The following TYSND1 variants were observed in gnomAD, a reference collection of about 807,000 sequenced individuals.
TYSND1 encodes the protein peroxisomal leader peptide-processing protease.
A neutral mutation model predicts 37.2 loss-of-function variants in TYSND1; 30 were observed. The ratio of observed to expected loss-of-function variants is 0.81; its 90% CI spans 0.60 to 1.09. The LOEUF (loss-of-function observed/expected upper bound fraction) is 1.09. TYSND1 is among the 50% of genes least tolerant of loss of function. The pLI is 0.00. For synonymous variants in TYSND1, 364 were observed against 383.8 expected (o/e 0.95, Z 0.60); for missense variants, 806 against 817.4 (o/e 0.99, Z 0.17).
chr10:70,146,679 C>A lies in TYSND1; in HGVS notation c.-93G>T, dbSNP rs1249315281. 1 of 1,271,378 alleles carries A rather than the reference C, an allele frequency of 7.9e-7. No homozygotes were observed. The highest frequency in any genetic ancestry group is 1.6e-5 in the African/African-American group (1 of 64,210). The allele number at this position is 1,271,378 out of a possible 1,614,324, so 78.8% of individuals were successfully genotyped here. ...CGGTCCGGCTGAAGCTGCCTAGCGC[C>A]ACCCACAGCTGGAAGCGAGAGGCGC... On this transcript the variant is annotated 5_prime_UTR_variant, in exon 1 of 4. Coordinates refer to ENST00000287078, the MANE Select transcript of TYSND1 (RefSeq NM_173555.4).
Position 70,146,321 on chromosome 10 carries a change from G to A in TYSND1, c.266C>T (p.Pro89Leu), listed in dbSNP as rs778378706. ...GCCGCCCCCGGGACCCGCGGCCGTT[G>A]GGGCCCACTGCACGTGCAGGCGCAG... ...DDLRLHVQWA[P>L]TAAGPGGGAE... Residue 89 changes from proline (P) to leucine (L), a missense_variant, in exon 1 of 4, where the codon CCA becomes CTA. Pro to Leu is a moderately conservative substitution (Grantham distance 98). This residue lies in a region of TYSND1 where 708 missense variants were observed against 705.4 expected (regional missense o/e 1.00). Transcript: ENST00000287078. 6.6e-7 allele frequency: 1 copy of A among 1,514,204 alleles called. No homozygotes were observed. Among genetic ancestry groups the A allele is most frequent in the South Asian group, 1.2e-5 (1 of 81,182 alleles). 93.8% of individuals were successfully genotyped at this position (1,514,204 alleles called of 1,614,324 possible). A position where few individuals can be genotyped will look rare whatever the true frequency, so the allele number is the denominator to read the frequency against.
intron 2 of TYSND1, 75 bp downstream of exon 2, chr10:70,143,767 A>C (rs779716076): frequency 6.4e-7 from 1 of 1,573,922 alleles, no homozygotes; most frequent in Non-Finnish European, 8.7e-7. Context: ...GAGAATGCCC[A>C]ACACTGATTC....
Position 70,139,793 on chromosome 10 carries a change from G to T in TYSND1, c.*131C>A. 2.3e-6 allele frequency: 2 copies of T among 858,700 alleles called. No individual in the cohort carries two copies. Among genetic ancestry groups the T allele is most frequent in the Non-Finnish European group, 3.6e-6 (2 of 562,156 alleles). The allele number at this position is 858,700 out of a possible 1,614,324, so 53.2% of individuals were successfully genotyped here. On this transcript the variant is annotated 3_prime_UTR_variant, in exon 4 of 4. Coordinates refer to ENST00000287078, the MANE Select transcript of TYSND1 (RefSeq NM_173555.4). Reference sequence around the variant, plus strand: ...GAGCCCAAAGCCCAGTCTGCAGTCAGTGGGTGGAGATGAGAGGCAGCCTGG... The same window carrying T: ...GAGCCCAAAGCCCAGTCTGCAGTCATTGGGTGGAGATGAGAGGCAGCCTGG...
intron 2 of TYSND1, among the ~76,000 whole-genome samples, chr10:70,143,171 T>G (rs561210728): frequency 6.6e-6 from 1 of 152,204 alleles, no homozygotes; most frequent in Non-Finnish European, 1.5e-5. Context: ...CAATAAATGT[T>G]TGTGGAATTC....
rs1839182346 is a variant in TYSND1, at chr10:70,145,604, AC to A, written c.982del (p.Val328TrpfsTer40). 1.4e-6 allele frequency: 2 copies of A among 1,440,104 alleles called. No homozygotes were observed. Among genetic ancestry groups the A allele is most frequent in the South Asian group, 2.8e-5 (2 of 72,098 alleles). 89.2% of individuals were successfully genotyped at this position (1,440,104 alleles called of 1,614,324 possible). On this transcript the variant is annotated frameshift_variant, in exon 1 of 4. Transcript: ENST00000287078. LOFTEE classifies it high-confidence loss of function. The part of the protein sequence containing the change: ...AALAALLPPE[V>X]GVPWGLPLRD... The stretch of plus-strand genomic sequence containing the variant: ...GAGGGGCAGACCCCACGGGACGCCC[AC>A]CTCTGGCGGCAGAAGGGCGGCCAGG...
rs1408848796 is a variant in TYSND1 at position 70,138,523 on chromosome 10, T to C, written c.*1401A>G. On this transcript the variant is annotated 3_prime_UTR_variant, in exon 4 of 4. Coordinates refer to ENST00000287078, the MANE Select transcript of TYSND1 (RefSeq NM_173555.4). Reference sequence around the variant, plus strand: ...CTTTCAGCCTGCCAGTAGAAATCACTCGAGGGCCCACACATGCAAGGCCCT... The same window carrying C: ...CTTTCAGCCTGCCAGTAGAAATCACCCGAGGGCCCACACATGCAAGGCCCT... The C allele has an allele frequency of 6.6e-6, 1 of 152,174 alleles. No homozygotes were observed. Among genetic ancestry groups the C allele is most frequent in the Admixed American group, 6.5e-5 (1 of 15,282 alleles). 9.4% of individuals were successfully genotyped at this position (152,174 alleles called of 1,614,324 possible).
chr10:70,145,582 G>T lies in TYSND1; in HGVS notation c.1005C>A (p.Pro335=). 1 of 1,467,590 alleles carries T rather than the reference G, an allele frequency of 6.8e-7. No homozygotes were observed. The highest frequency in any genetic ancestry group is 9.0e-7 in the Non-Finnish European group (1 of 1,113,964). 90.9% of individuals were successfully genotyped at this position (1,467,590 alleles called of 1,614,324 possible). A position where few individuals can be genotyped will look rare whatever the true frequency, so the allele number is the denominator to read the frequency against. ...CCCACAGGGGCCCGGAGTCTCGGAG[G>T]GGCAGACCCCACGGGACGCCCACCT... The part of the protein sequence containing the change: ...PPEVGVPWGL[P]LRDSGPLWAA... Residue 335 remains proline (P), a synonymous_variant, in exon 1 of 4, where the codon CCC becomes CCA. Transcript: ENST00000287078.
In TYSND1 at chr10:70,146,619, G is replaced by A. The variant is rs768591017; in HGVS notation, c.-33C>T. On this transcript the variant is annotated 5_prime_UTR_variant, in exon 1 of 4. Transcript: ENST00000287078. ...AGGCCGGACACTCGGGAGCTTCTCC[G>A]AGAAACAGCAAGCTAGCGAGCGAGG... 1.6e-5 allele frequency: 24 copies of A among 1,473,356 alleles called. No individual in the cohort carries two copies. The highest frequency in any genetic ancestry group is 2.1e-5 in the Non-Finnish European group (23 of 1,118,994). The allele number at this position is 1,473,356 out of a possible 1,614,324, so 91.3% of individuals were successfully genotyped here. A position where few individuals can be genotyped will look rare whatever the true frequency, so the allele number is the denominator to read the frequency against.
In TYSND1 at chr10:70,139,128, T is replaced by C. The variant is rs959532183; in HGVS notation, c.*796A>G. On this transcript the variant is annotated 3_prime_UTR_variant, in exon 4 of 4. Coordinates refer to ENST00000287078, the MANE Select transcript of TYSND1 (RefSeq NM_173555.4). ...AAAAAAAAAAAAAAAAAGGAAAGGG[T>C]GTGTTTCTTTGCCTGGTACTTGCCT... 1 of 144,196 alleles carries C rather than the reference T, an allele frequency of 6.9e-6. No homozygotes were observed. The highest frequency in any genetic ancestry group is 1.5e-5 in the Non-Finnish European group (1 of 65,690). The allele number at this position is 144,196 out of a possible 1,614,324, so 8.9% of individuals were successfully genotyped here. A position where few individuals can be genotyped will look rare whatever the true frequency, so the allele number is the denominator to read the frequency against.
rs1319139003 is a variant in TYSND1, at chr10:70,139,026, G to A, written c.*898C>T. 6.7e-6 allele frequency: 1 copy of A among 149,988 alleles called. No individual in the cohort carries two copies. Among genetic ancestry groups the A allele is most frequent in the Non-Finnish European group, 1.5e-5 (1 of 67,726 alleles). 9.3% of individuals were successfully genotyped at this position (149,988 alleles called of 1,614,324 possible). A position where few individuals can be genotyped will look rare whatever the true frequency, so the allele number is the denominator to read the frequency against. ...GCAGGAGGTCTCCTGGAGCCCAGGA[G>A]TTTGAGGCTGCAGTGAGCTGTGATC... is the stretch of plus-strand genomic sequence containing the variant. On this transcript the variant is annotated 3_prime_UTR_variant, in exon 4 of 4. Transcript: ENST00000287078.
At position 70,140,066 on chromosome 10, in the gene TYSND1, G is replaced by A. The variant is rs151252509; in HGVS notation, c.1559C>T (p.Thr520Met). 4.8e-5 allele frequency: 78 copies of A among 1,614,156 alleles called. No individual in the cohort carries two copies. The highest frequency in any genetic ancestry group is 3.3e-4 in the Middle Eastern group (2 of 6,060). The change falls in exon 4 of 4, where the codon ACG becomes ATG. Residue 520 changes from threonine (T) to methionine (M), a missense_variant. Coordinates refer to ENST00000287078, the MANE Select transcript of TYSND1 (RefSeq NM_173555.4). ...CTGCTGCAGGGCCGGCTGGAGCACC[G>A]TGATGGGAATGCTGAAGTTCAGGTG... is the stretch of plus-strand genomic sequence containing the variant. ...YPHLNFSIPI[T>M]VLQPALQQYS...
At position 70,139,897 on chromosome 10, in the gene TYSND1, C is replaced by G. The variant is rs2072733829; in HGVS notation, c.*27G>C. On this transcript the variant is annotated 3_prime_UTR_variant, in exon 4 of 4. Transcript: ENST00000287078. ...CTTCCTACAGCAGAAAAAGGTCACT[C>G]TTCTTTCCAAAGGTGGTAACACAGC... 1 of 1,598,138 alleles carries G rather than the reference C, an allele frequency of 6.3e-7. No homozygotes were observed. Among genetic ancestry groups the G allele is most frequent in the Non-Finnish European group, 8.5e-7 (1 of 1,170,512 alleles).
chr10:70,138,279 C>T lies in TYSND1; in HGVS notation c.*1645G>A, dbSNP rs1451997301. 1.3e-5 allele frequency: 2 copies of T among 152,304 alleles called. No homozygotes were observed. The highest frequency in any genetic ancestry group is 3.9e-4 in the East Asian group (2 of 5,180). The allele number at this position is 152,304 out of a possible 1,614,324, so 9.4% of individuals were successfully genotyped here. A position where few individuals can be genotyped will look rare whatever the true frequency, so the allele number is the denominator to read the frequency against. On this transcript the variant is annotated 3_prime_UTR_variant, in exon 4 of 4. Coordinates refer to ENST00000287078, the MANE Select transcript of TYSND1 (RefSeq NM_173555.4). ...TGGGCGAACATTAGTGAAAGGATAC[C>T]CAGAGGTCAGAGGCCTGTCCCAAGC...
chr10:70,140,942 A>T (rs2072760406), intron 3 of TYSND1, among the ~76,000 whole-genome samples: 1 of 151,134 alleles, frequency 6.6e-6, no homozygotes, highest in Non-Finnish European at 1.5e-5. Flanking sequence ...GACATTTTTA[A>T]AAGTGCAGGT....
chr10:70,144,758 T>C (rs1589865501), intron 1 of TYSND1: 3 of 985,510 alleles, frequency 3.0e-6, no homozygotes, highest in Non-Finnish European at 3.6e-6. Flanking sequence ...GGCTGTCCTA[T>C]AGGCCACAGT....
intron 1 of TYSND1, chr10:70,144,728 A>ATGAT: frequency 2.0e-6 from 2 of 985,644 alleles, no homozygotes; most frequent in Non-Finnish European, 2.4e-6. Flanking sequence ...CTTCATCATC[A>ATGAT]GTCTTCCCTA....
chr10:70,144,126 C>T, intron 1 of TYSND1, 154 bp from the exon 2 acceptor site: 1 of 879,086 alleles, frequency 1.1e-6, no homozygotes. Context: ...TGTAACCATT[C>T]TGTGGTATCT....
At position 70,139,962 on chromosome 10, in the gene TYSND1, G is replaced by A. The variant is rs2072735982; in HGVS notation, c.1663C>T (p.Gln555Ter). ...AEPVRVVWRL[Q>*]RPLAEAPRSK... ...CGCGGGGCCTCTGCCAGGGGCCGCTGCAACCGCCACACCACCCTGACTGGC... is the reference window on the plus strand; with the variant it reads ...CGCGGGGCCTCTGCCAGGGGCCGCTACAACCGCCACACCACCCTGACTGGC... Residue 555 changes from glutamine (Q) to a stop codon, truncating the protein, a stop_gained, in exon 4 of 4, where the codon CAG becomes TAG. Coordinates refer to ENST00000287078, the MANE Select transcript of TYSND1 (RefSeq NM_173555.4). LOFTEE classifies it high-confidence loss of function. 6.2e-7 allele frequency: 1 copy of A among 1,613,812 alleles called. No individual in the cohort carries two copies.
chr10:70,145,736 C>A lies in TYSND1; in HGVS notation c.851G>T (p.Cys284Phe). The A allele has an allele frequency of 7.0e-7, 1 of 1,425,418 alleles. No individual in the cohort carries two copies. Among genetic ancestry groups the A allele is most frequent in the Non-Finnish European group, 9.1e-7 (1 of 1,099,822 alleles). The allele number at this position is 1,425,418 out of a possible 1,614,324, so 88.3% of individuals were successfully genotyped here. A position where few individuals can be genotyped will look rare whatever the true frequency, so the allele number is the denominator to read the frequency against. Residue 284 changes from cysteine to phenylalanine, a missense_variant, in exon 1 of 4, where the codon TGT (cysteine) becomes TTT (phenylalanine). By Grantham distance (205) the Cys-to-Phe change is radical. Transcript: ENST00000287078. Reference protein sequence around the residue: ...ALVALVVAPLCWKAGEWVGFT... With the variant: ...ALVALVVAPLFWKAGEWVGFT... ...GCCCACCCATTCGCCGGCCTTCCAA[C>A]AGAGCGGCGCCACCACCAGCGCCAC...
Sources: allele counts gnomAD v4.1 joint callset (sites outside exome capture counted in the v4.1 genomes callset), GRCh38; gene constraint gnomAD v4.1.1; regional missense constraint gnomAD v4.1.1; transcripts MANE v1.5; gene names NCBI Gene and HGNC (gene_info 2026-07-23, HGNC 2026-07-21).